NAV1: variants seen among roughly 807,000 people sequenced by gnomAD.
The protein encoded by NAV1 is neuron navigator 1.
In NAV1, 18 loss-of-function variants were observed where a neutral mutation model predicts 175.2. The observed-to-expected ratio is 0.10, with a 90% CI of 0.07 to 0.15. NAV1 has a LOEUF of 0.15. Among genes scored for constraint, NAV1 ranks in the 10% least tolerant of loss-of-function variants. NAV1 has a pLI of 1.00. For missense variants in NAV1, 1,731 were observed against 2,436.6 expected (o/e 0.71, Z 6.10); for synonymous variants, 897 against 978.7 (o/e 0.92, Z 1.56).
intron 2 of NAV1, among the ~76,000 whole-genome samples, chr1:201,606,227 A>T (rs879595283): frequency 6.6e-6 from 1 of 152,212 alleles, no homozygotes; most frequent in Non-Finnish European, 1.5e-5. Flanking sequence ...GTGGCCAGGG[A>T]TCGACCAGGA....
At chr1:201,724,865 T>C (rs1267700709) in intron 3 of NAV1, 1 of 152,766 alleles carries the variant, frequency 6.5e-6, no homozygotes, top group Admixed American at 6.5e-5. Flanking sequence ...TGAACTGTGC[T>C]TGGGGGCTCA....
At chr1:201,671,244 A>G (rs1670034248) in intron 1 of NAV1, among the ~76,000 whole-genome samples, 1 of 152,188 alleles carries the variant, frequency 6.6e-6, no homozygotes, top group Non-Finnish European at 1.5e-5. Flanking sequence ...GATATAACCA[A>G]GTGCTAAATC....
chr1:201,683,704 C>G (rs367808817), intron 1 of NAV1, among the ~76,000 whole-genome samples: 4 of 152,204 alleles, frequency 2.6e-5, no homozygotes, highest in East Asian at 3.9e-4. Context: ...ACCAACATGA[C>G]TTATCACTGT....
At chr1:201,633,265 C>T (rs1240330528) in intron 2 of NAV1, among the ~76,000 whole-genome samples, 1 of 152,154 alleles carries the variant, frequency 6.6e-6, no homozygotes, top group African/African-American at 2.4e-5. Context: ...TTATTGAATA[C>T]CCTACTATGT....
rs557995947 is a variant in NAV1, at chr1:201,706,651, C to T, written c.758-6166C>T. 1.3e-4 allele frequency among the ~76,000 whole-genome samples: 20 copies of T among 152,294 alleles called. No homozygotes were observed. The South Asian group carries it at 3.7e-3, about 28-fold the overall frequency. On this transcript the variant is annotated intron_variant, in intron 1 of 29. Coordinates refer to ENST00000367296, the Ensembl canonical transcript of NAV1. The stretch of plus-strand genomic sequence containing the variant: ...AAACATTCTTTCTTTGGCTCACTTC[C>T]GTTCCTTCTGTTGGTTCCCACCTCA...
chr1:201,822,111 A>C (rs1487362920), exon 30 of NAV1: 3 of 152,630 alleles, frequency 2.0e-5, no homozygotes, highest in Non-Finnish European at 4.4e-5. Flanking sequence ...TGTATGATGG[A>C]GACTATTATT....
intron 1 of NAV1, among the ~76,000 whole-genome samples, chr1:201,657,195 G>T (rs1235520230): frequency 1.3e-5 from 2 of 152,218 alleles, no homozygotes; most frequent in African/African-American, 4.8e-5. Flanking sequence ...CATTGTTCTT[G>T]TTCCTCAAGC....
chr1:201,671,699 G>A (rs1670050650), intron 1 of NAV1, among the ~76,000 whole-genome samples: 1 of 152,174 alleles, frequency 6.6e-6, no homozygotes, highest in African/African-American at 2.4e-5. Flanking sequence ...GGGCACGCTG[G>A]GTCTCTAGGC....
chr1:201,781,854 C>CT lies in NAV1; in HGVS notation c.1664-314dup, dbSNP rs939918583. ...TACTCTATTCCATTTGCTTCCCCAC[C>CT]TTTTTTTTCCCTTCCACAACTAGTT... is the stretch of plus-strand genomic sequence containing the variant. On this transcript the variant is annotated intron_variant, in intron 5 of 29. Coordinates refer to ENST00000367296, the Ensembl canonical transcript of NAV1. 2.0e-5 allele frequency among the ~76,000 whole-genome samples: 3 copies of CT among 151,984 alleles called. No homozygotes were observed. In the East Asian group the frequency reaches 5.8e-4, roughly 29 times the overall value.
chr1:201,638,242 G>A (rs1415318548), intron 2 of NAV1, among the ~76,000 whole-genome samples: 1 of 152,168 alleles, frequency 6.6e-6, no homozygotes, highest in Non-Finnish European at 1.5e-5. Flanking sequence ...GACTTGTTGG[G>A]ACTGTCAGGT....
At chr1:201,627,470 G>C (rs533405690) in intron 1 of NAV1, among the ~76,000 whole-genome samples, 1 of 151,544 alleles carries the variant, frequency 6.6e-6, no homozygotes, top group Admixed American at 6.6e-5. Flanking sequence ...GCGGGGTTTC[G>C]CCATGTTTGC....
At position 201,609,886 on chromosome 1, in the gene NAV1, T is replaced by A. The variant is rs541132294; in HGVS notation, c.-32-12967T>A. 1.5e-3 allele frequency among the ~76,000 whole-genome samples: 226 copies of A among 152,310 alleles called. 1 individual carries two copies. Among genetic ancestry groups the A allele is most frequent in the African/African-American group, 5.0e-3 (209 of 41,564 alleles). ...GAGGGAGGAGGGAGAGAGGGAAACC[T>A]GGATGGAACAGGGATTGTCTTCAGG... On this transcript the variant is annotated intron_variant, in intron 2 of 33. Transcript: ENST00000685211.
intron 3 of NAV1, among the ~76,000 whole-genome samples, chr1:201,761,203 GA>G (rs1483320255): frequency 2.6e-5 from 4 of 152,040 alleles, no homozygotes; most frequent in Admixed American, 6.5e-5. Flanking sequence ...ATTTAATAAA[GA>G]AAAAAAGAAG....
chr1:201,627,342 G>A (rs1455848821), intron 1 of NAV1, among the ~76,000 whole-genome samples: 1 of 151,484 alleles, frequency 6.6e-6, no homozygotes, highest in Non-Finnish European at 1.5e-5. Flanking sequence ...GCACGATCTC[G>A]GCTCACTGCA....
chr1:201,820,688 T>C (rs2102845444), exon 30 of NAV1: 1 of 152,318 alleles, frequency 6.6e-6, no homozygotes, highest in African/African-American at 2.4e-5. Flanking sequence ...AGGGAAAGAC[T>C]ACCAGCTCTG....
intron 2 of NAV1, among the ~76,000 whole-genome samples, chr1:201,714,277 T>C (rs1037301645): frequency 6.6e-6 from 1 of 152,224 alleles, no homozygotes; most frequent in Admixed American, 6.5e-5. Context: ...GGAACTGCAC[T>C]TAGTCTTAAG....
intron 2 of NAV1, among the ~76,000 whole-genome samples, chr1:201,609,133 C>A (rs950726583): frequency 6.6e-6 from 1 of 152,210 alleles, no homozygotes; most frequent in South Asian, 2.1e-4. Context: ...GACTCCTGGG[C>A]TGCATGTGAC....
chr1:201,706,503 A>G (rs1464116880), intron 1 of NAV1, among the ~76,000 whole-genome samples: 2 of 152,262 alleles, frequency 1.3e-5, no homozygotes, highest in East Asian at 3.9e-4. Flanking sequence ...GCCATTCACA[A>G]CCTGGTGACA....
At chr1:201,783,553 C>T (rs774823253) in exon 7 of NAV1, 2 of 1,614,138 alleles carry the variant, frequency 1.2e-6, no homozygotes, top group East Asian at 2.2e-5. Flanking sequence ...CATCTGGGGG[C>T]CCTCTCCCTT....
Sources: gnomAD v4.1 joint callset for allele counts (sites outside exome capture counted in the v4.1 genomes callset) on GRCh38, gnomAD v4.1.1 for gene constraint, MANE v1.5 for transcripts, NCBI Gene and HGNC (gene_info 2026-07-23, HGNC 2026-07-21) for gene names.